The following ARHGAP29 variants were observed in gnomAD, a reference collection of about 807,000 sequenced individuals.
ARHGAP29 encodes the protein Rho GTPase activating protein 29, also known as rho GTPase-activating protein 29.
Under a neutral mutation model 122.6 loss-of-function variants are expected in ARHGAP29, and 43 were observed. The observed-to-expected ratio is 0.35, with a 90% CI of 0.27 to 0.45. ARHGAP29 has a LOEUF of 0.45. Among genes scored for constraint, ARHGAP29 ranks in the 20% least tolerant of loss-of-function variants. The pLI, the probability that ARHGAP29 is intolerant of heterozygous loss-of-function variation, is 1.00. For synonymous variants in ARHGAP29, 506 were observed against 497.1 expected, an observed-to-expected ratio of 1.02 and a Z score of -0.24; for missense variants, 1,303 against 1,477.2, an observed-to-expected ratio of 0.88 and a Z score of 1.93.
chr1:94,262,097 C>G (rs1407740379), intron 1 of ARHGAP29, among the ~76,000 whole-genome samples: 13 of 152,070 alleles, frequency 8.5e-5, no homozygotes, highest in Non-Finnish European at 4.4e-5. Flanking sequence ...GAAAAAAGGC[C>G]ACACACCTAC....
intron 1 of ARHGAP29, among the ~76,000 whole-genome samples, chr1:94,258,032 A>T (rs143086538): frequency 6.6e-6 from 1 of 152,338 alleles, no homozygotes; most frequent in East Asian, 1.9e-4. Context: ...AGTATTAGGT[A>T]TGATATGACA....
chr1:94,222,208 G>A (rs910021298), intron 2 of ARHGAP29, among the ~76,000 whole-genome samples: 1 of 152,144 alleles, frequency 6.6e-6, no homozygotes, highest in Non-Finnish European at 1.5e-5. Flanking sequence ...CAAATCTCTT[G>A]TGTAAAAGAA....
At chr1:94,312,463 A>C in the ARHGAP29 span, among the ~76,000 whole-genome samples, 2 of 134,504 alleles carry the variant, frequency 1.5e-5, no homozygotes, top group South Asian at 4.6e-4. Flanking sequence ...ACAGAGTCTC[A>C]CTCTGTTGCT....
At chr1:94,201,895 T>G in intron 11 of ARHGAP29, 38 bp from the exon 12 acceptor site, 1 of 1,484,620 alleles carries the variant, frequency 6.7e-7, no homozygotes, top group Non-Finnish European at 9.0e-7. Flanking sequence ...AACACTAGAA[T>G]TTATATTTTA....
chr1:94,208,788 G>C (rs762249820), intron 5 of ARHGAP29, 44 bp downstream of exon 5: 1 of 1,582,320 alleles, frequency 6.3e-7, no homozygotes, highest in Non-Finnish European at 8.7e-7. Context: ...GAAACATGAA[G>C]TTAAAAACAT....
chr1:94,217,990 T>G (rs1652056993), intron 3 of ARHGAP29, among the ~76,000 whole-genome samples: 1 of 152,230 alleles, frequency 6.6e-6, no homozygotes, highest in Non-Finnish European at 1.5e-5. Context: ...GCACTTAGAC[T>G]GGCTGGCACT....
chr1:94,299,695 A>C, the ARHGAP29 span, among the ~76,000 whole-genome samples: 10 of 152,176 alleles, frequency 6.6e-5, no homozygotes, highest in East Asian at 1.9e-3. Flanking sequence ...GGGAGCCTGG[A>C]GCTCTTAGAA....
At chr1:94,310,355 C>G in the ARHGAP29 span, among the ~76,000 whole-genome samples, 1 of 152,222 alleles carries the variant, frequency 6.6e-6, no homozygotes, top group Non-Finnish European at 1.5e-5. Flanking sequence ...GCACTCCATG[C>G]CTACCCCCAG....
chr1:94,199,275 T>C (rs1247859002), intron 12 of ARHGAP29, among the ~76,000 whole-genome samples: 3 of 151,636 alleles, frequency 2.0e-5, no homozygotes, highest in Non-Finnish European at 4.4e-5. Flanking sequence ...TGCAACAAAA[T>C]AGAAAATAAA....
At chr1:94,180,257 C>T (rs982390089) in intron 19 of ARHGAP29, among the ~76,000 whole-genome samples, 9 of 152,054 alleles carry the variant, frequency 5.9e-5, no homozygotes, top group Non-Finnish European at 1.2e-4. Flanking sequence ...ATCACATTCA[C>T]GACTCCCCCA....
chr1:94,212,226 C>G (rs1206671344), intron 3 of ARHGAP29, among the ~76,000 whole-genome samples: 1 of 151,992 alleles, frequency 6.6e-6, no homozygotes, highest in Non-Finnish European at 1.5e-5. Flanking sequence ...CCACTGCACA[C>G]TAGCCTGGGT....
chr1:94,279,673 A>C (rs1344231559), upstream of ARHGAP29, among the ~76,000 whole-genome samples: 2 of 152,220 alleles, frequency 1.3e-5, no homozygotes, highest in Non-Finnish European at 2.9e-5. Flanking sequence ...TCACTGAATA[A>C]GTATATTCAT....
chr1:94,183,578 T>C (rs1354936311), intron 19 of ARHGAP29, among the ~76,000 whole-genome samples: 2 of 152,158 alleles, frequency 1.3e-5, no homozygotes, highest in African/African-American at 2.4e-5. Context: ...TTCCAGGTGC[T>C]CCAAATGTAG....
chr1:94,226,376 C>A (rs766770452), intron 2 of ARHGAP29, among the ~76,000 whole-genome samples: 6 of 151,854 alleles, frequency 4.0e-5, no homozygotes, highest in Non-Finnish European at 8.8e-5. Context: ...TTAATCATCA[C>A]AAAAACCCCA....
chr1:94,306,191 C>T, the ARHGAP29 span, among the ~76,000 whole-genome samples: 1 of 152,196 alleles, frequency 6.6e-6, no homozygotes, highest in Non-Finnish European at 1.5e-5. Context: ...GAGTCTTTCC[C>T]CACCTCACAG....
intron 1 of ARHGAP29, among the ~76,000 whole-genome samples, chr1:94,265,795 T>A (rs1654747838): frequency 6.6e-6 from 1 of 152,204 alleles, no homozygotes; most frequent in African/African-American, 2.4e-5. Context: ...TGGGGGTGAC[T>A]GGTCACCTTA....
chr1:94,300,838 T>C, the ARHGAP29 span, among the ~76,000 whole-genome samples: 1 of 152,204 alleles, frequency 6.6e-6, no homozygotes, highest in Non-Finnish European at 1.5e-5. Flanking sequence ...AATTAATGAA[T>C]GAGCAGATTA....
intron 3 of ARHGAP29, among the ~76,000 whole-genome samples, chr1:94,211,157 C>T (rs963505489): frequency 5.9e-5 from 9 of 151,438 alleles, no homozygotes; most frequent in African/African-American, 1.7e-4. Flanking sequence ...AATGGTGACG[C>T]GTGCCTGTAA....
Position 94,237,535 on chromosome 1 carries a change from T to TCTCAGC in ARHGAP29, c.-159_-154dup, listed in dbSNP as rs2101630640. On this transcript the variant is annotated 5_prime_UTR_variant, in exon 1 of 23. Coordinates refer to ENST00000260526, the MANE Select transcript of ARHGAP29 (RefSeq NM_004815.4). The stretch of plus-strand genomic sequence containing the variant: ...CACGGCCTGCGGACGCCCGGCCAAA[T>TCTCAGC]CTCAGCCGCAGCCGCAGCCGCAGCC... 3.0e-6 allele frequency: 3 copies of TCTCAGC among 990,258 alleles called. No individual in the cohort carries two copies. The highest frequency in any genetic ancestry group is 4.5e-5 in the South Asian group (1 of 22,400). The allele number at this position is 990,258 out of a possible 1,614,324, so 61.3% of individuals were successfully genotyped here. A position where few individuals can be genotyped will look rare whatever the true frequency, so the allele number is the denominator to read the frequency against.
Sources: allele counts gnomAD v4.1 joint callset (sites outside exome capture counted in the v4.1 genomes callset), GRCh38; gene constraint gnomAD v4.1.1; transcripts MANE v1.5; gene names NCBI Gene and HGNC (gene_info 2026-07-23, HGNC 2026-07-21).